Variants in COL20A1 observed in about 807,000 individuals in gnomAD.
The protein encoded by COL20A1 is collagen type XX alpha 1 chain.
Under a neutral mutation model 152.9 loss-of-function variants are expected in COL20A1, and 164 were observed. The observed-to-expected ratio is 1.07, with a 90% CI of 0.94 to 1.22. The LOEUF (loss-of-function observed/expected upper bound fraction) is 1.22. COL20A1 is among the 50% of genes most tolerant of loss of function. The probability of loss-of-function intolerance (pLI) is 0.00; values close to 1 mark genes in which losing one functional copy is unlikely to be tolerated. For synonymous variants in COL20A1, 864 were observed against 756.0 expected (o/e 1.14, Z -2.34); for missense variants, 1,873 against 1,744.8 (o/e 1.07, Z -1.31).
chr20:63,315,203 A>G (rs1241480092), intron 19 of COL20A1, among the ~76,000 whole-genome samples: 2 of 152,248 alleles, frequency 1.3e-5, no homozygotes, highest in African/African-American at 4.8e-5. Flanking sequence ...AGGGGCAGGG[A>G]CCATCCCTGT....
chr20:63,328,137 C>A lies in COL20A1; in HGVS notation c.3613+10C>A, dbSNP rs757654981. 3.7e-6 allele frequency: 6 copies of A among 1,612,870 alleles called. No individual in the cohort carries two copies. Among genetic ancestry groups the A allele is most frequent in the Non-Finnish European group, 5.1e-6 (6 of 1,179,674 alleles). ...CTTGTGAGCCAGGCCTGTGAGTCTG[C>A]CATTCAGAGTGAGTGAGGCCAGCAG... On this transcript the variant is annotated intron_variant, in intron 33 of 35. Coordinates refer to ENST00000358894, the MANE Select transcript of COL20A1 (RefSeq NM_020882.4).
At chr20:63,300,371 C>T (rs1427086720) in intron 3 of COL20A1, among the ~76,000 whole-genome samples, 1 of 152,084 alleles carries the variant, frequency 6.6e-6, no homozygotes, top group African/African-American at 2.4e-5. Flanking sequence ...AAATACTTCA[C>T]ATAATTGATT....
Position 63,305,432 on chromosome 20 carries a change from A to T in COL20A1, c.209A>T (p.Glu70Val), listed in dbSNP as rs755456599. Residue 70 changes from glutamate (E) to valine (V), a missense_variant, in exon 4 of 36, where the codon GAG becomes GTG. Physicochemically the swap from Glu to Val is moderately radical, Grantham distance 121. Transcript: ENST00000358894. The surrounding 1 kb of genome is among the most constrained non-coding windows in gnomAD (Gnocchi z 4.9). ...CCCTACCCAGGGGACTCGGAACAGG[A>T]GGTGATACTGACCACCAAGACCCCT... is the stretch of plus-strand genomic sequence containing the variant. ...VKPMAGDSEQ[E>V]VILTTKTPKA... is the part of the protein sequence containing the mutation. 3 of 1,576,860 alleles carry T rather than the reference A, an allele frequency of 1.9e-6. No homozygotes were observed. Among genetic ancestry groups the T allele is most frequent in the Non-Finnish European group, 2.6e-6 (3 of 1,164,576 alleles).
At chr20:63,293,762 C>T (rs1185242671) in intron 1 of COL20A1, among the ~76,000 whole-genome samples, 2 of 151,846 alleles carry the variant, frequency 1.3e-5, no homozygotes, top group Non-Finnish European at 1.5e-5. Flanking sequence ...CTTGGCCGGC[C>T]GGGCGGGCAT....
rs370159480 is a variant in COL20A1, at chr20:63,311,608, A to G, written c.1540-17A>G. The G allele has an allele frequency of 4.3e-6, 7 of 1,609,894 alleles. No homozygotes were observed. In the African/African-American group the frequency reaches 8.0e-5, roughly 18 times the overall value. ...CAGAGCGAGTGGGGGCTGGCCTGGG[A>G]CGTCATGTCTCTGCAGGTGCAGGTC... On this transcript the variant is annotated splice_polypyrimidine_tract_variant and intron_variant, in intron 12 of 35. Transcript: ENST00000358894. The surrounding 1 kb of genome is among the most constrained non-coding windows in gnomAD (Gnocchi z 4.4).
chr20:63,310,357 C>G, intron 10 of COL20A1, 24 bp from the exon 11 acceptor site: 1 of 1,609,676 alleles, frequency 6.2e-7, no homozygotes, highest in South Asian at 1.1e-5. Flanking sequence ...CTTCCTGGCT[C>G]CGTCCTTGCC....
rs2068001700 is a variant in COL20A1, at chr20:63,311,318, G to C, written c.1394-76G>C. The stretch of plus-strand genomic sequence containing the variant: ...GGCGGTGGCCGTGCCCACCCACTCT[G>C]GTGTGAGGGTGCCCCGTGCGTGGGT... On this transcript the variant is annotated intron_variant, in intron 11 of 35. Transcript: ENST00000358894. This position sits in a 1 kb window ranked among gnomAD's most constrained non-coding sequence, Gnocchi z 4.4. 4 of 1,417,236 alleles carry C rather than the reference G, an allele frequency of 2.8e-6. No homozygotes were observed. The African/African-American group carries it at 5.7e-5, about 20-fold the overall frequency. 87.8% of individuals were successfully genotyped at this position (1,417,236 alleles called of 1,614,324 possible). A position where few individuals can be genotyped will look rare whatever the true frequency, so the allele number is the denominator to read the frequency against.
chr20:63,326,895 CA>C, intron 31 of COL20A1, 72 bp downstream of exon 31: 1 of 1,071,678 alleles, frequency 9.3e-7, no homozygotes, highest in Non-Finnish European at 1.3e-6. Flanking sequence ...CACATGCAAC[CA>C]CTCAGGGACT....
At position 63,309,854 on chromosome 20, in the gene COL20A1, C is replaced by T. The variant is rs1482484389; in HGVS notation, c.1202C>T (p.Pro401Leu). ...ATCCGCCTGTCCTGGACTCCAGCCC[C>T]CCGGCACCCCCTCAAGTATCTGATC... ...SSIRLSWTPA[P>L]RHPLKYLIVW... The change falls in exon 10 of 36, where the codon CCC (proline) becomes CTC (leucine). Residue 401 changes from proline to leucine, a missense_variant. Physicochemically the swap from Pro to Leu is moderately conservative, Grantham distance 98 (BLOSUM62 -3). Transcript: ENST00000358894. 2.5e-6 allele frequency: 4 copies of T among 1,611,696 alleles called. No individual in the cohort carries two copies. Among genetic ancestry groups the T allele is most frequent in the South Asian group, 1.1e-5 (1 of 90,964 alleles).
intron 27 of COL20A1, chr20:63,325,134 T>G: frequency 1.9e-6 from 1 of 515,558 alleles, no homozygotes; most frequent in South Asian, 1.8e-5. Context: ...CCCTGCTCCT[T>G]TAATGGAGGT....
chr20:63,330,020 G>C (rs1213319176), intron 35 of COL20A1, among the ~76,000 whole-genome samples: 6 of 152,128 alleles, frequency 3.9e-5, no homozygotes, highest in Admixed American at 3.9e-4. Context: ...GTGGAGCTCA[G>C]GTGTTTGCTC....
At chr20:63,314,666 C>A (rs555229670) in intron 19 of COL20A1, among the ~76,000 whole-genome samples, 1 of 152,246 alleles carries the variant, frequency 6.6e-6, no homozygotes, top group Admixed American at 6.5e-5. Flanking sequence ...GGGAGAGCTG[C>A]TCCTCCCATC....
In COL20A1 at chr20:63,314,206, G is replaced by T. The variant is rs374172414; in HGVS notation, c.2488+5G>T. 429 of 1,555,056 alleles carry T rather than the reference G, an allele frequency of 2.8e-4. No homozygotes were observed. Among genetic ancestry groups the T allele is most frequent in the Non-Finnish European group, 3.4e-4 (392 of 1,149,496 alleles). ...TGTCTGCCACGGGCCAGACAGGTGA[G>T]TGGGCACCAAGACCCCAGACCCAGG... On this transcript the variant is annotated splice_donor_5th_base_variant and intron_variant, in intron 19 of 35. Coordinates refer to ENST00000358894, the MANE Select transcript of COL20A1 (RefSeq NM_020882.4).
chr20:63,320,153 G>A lies in COL20A1; in HGVS notation c.3031G>A (p.Gly1011Arg). Residue 1011 changes from glycine to arginine, a missense_variant, in exon 24 of 36, where the codon GGG (glycine) becomes AGG (arginine). Gly to Arg is a moderately radical substitution (Grantham distance 125). Coordinates refer to ENST00000358894, the MANE Select transcript of COL20A1 (RefSeq NM_020882.4). ...ACCCGCTGCGGGCTTCGTCACGCTG[G>A]GGAGGCTGGCCAAGGCCAGGGGCCC... ...SPPAAGFVTL[G>R]RLAKARGPRS... 6.4e-7 allele frequency: 1 copy of A among 1,554,050 alleles called. No individual in the cohort carries two copies.
At chr20:63,318,841 A>AGCTCTGTGGAACCACCAGTCT (rs1307020523) in intron 21 of COL20A1, among the ~76,000 whole-genome samples, 3 of 152,018 alleles carry the variant, frequency 2.0e-5, no homozygotes, top group African/African-American at 7.3e-5. Flanking sequence ...ATAGACCCTC[A>AGCTCTGTGGAACCACCAGTCT]GCTCTGTGGA....
At position 63,315,476 on chromosome 20, in the gene COL20A1, C is replaced by T. The variant is rs368459230; in HGVS notation, c.2524+37C>T. On this transcript the variant is annotated intron_variant, in intron 20 of 35. Coordinates refer to ENST00000358894, the MANE Select transcript of COL20A1 (RefSeq NM_020882.4). The stretch of plus-strand genomic sequence containing the variant: ...ATGCCCTCCCCTGCCTGCCCACCCA[C>T]AGTCTCTCGGGCTCTTCCTGGGCGT... 8.1e-5 allele frequency: 125 copies of T among 1,540,158 alleles called. No homozygotes were observed. The African/African-American group carries it at 1.6e-3, about 20-fold the overall frequency.
chr20:63,294,771 A>C (rs13042424), intron 1 of COL20A1, among the ~76,000 whole-genome samples: 3,430 of 152,166 alleles, frequency 0.023, 55 homozygotes, highest in Non-Finnish European at 0.039. Flanking sequence ...TGCCCGTCCC[A>C]GCCACCCCTG....
intron 27 of COL20A1, 84 bp from the exon 28 acceptor site, chr20:63,325,357 G>T: frequency 1.9e-6 from 2 of 1,045,082 alleles, no homozygotes; most frequent in Non-Finnish European, 3.0e-6. Context: ...GCAGTCCAGG[G>T]GCCTGTGGTA....
intron 27 of COL20A1, among the ~76,000 whole-genome samples, chr20:63,323,591 G>A (rs1002463804): frequency 3.3e-5 from 5 of 152,138 alleles, no homozygotes; most frequent in Non-Finnish European, 5.9e-5. Flanking sequence ...ACCCCTGGTC[G>A]CCTGAGTCGT....
Sources: gnomAD v4.1 joint callset for allele counts (sites outside exome capture counted in the v4.1 genomes callset) on GRCh38, gnomAD v4.1.1 for gene constraint, Gnocchi (gnomAD v3.1) non-coding constraint, MANE v1.5 for transcripts, NCBI Gene and HGNC (gene_info 2026-07-23, HGNC 2026-07-21) for gene names.